MITF: variants seen among roughly 807,000 people sequenced by gnomAD.
MITF encodes the protein microphthalmia-associated transcription factor.
MITF carries 17 observed loss-of-function variants against 60.5 expected under a neutral mutation model. That is an observed-to-expected ratio of 0.28 (90% CI 0.19 to 0.42). The LOEUF is 0.42. MITF is among the 10% of genes least tolerant of loss of function. The pLI is 1.00. For synonymous variants in MITF, 260 were observed against 248.5 expected (o/e 1.05, Z -0.43); for missense variants, 622 against 683.5 (o/e 0.91, Z 1.00).
chr3:69,764,018 T>C (rs2062252075), intron 1 of MITF: 3 of 1,141,026 alleles, frequency 2.6e-6, no homozygotes, highest in Non-Finnish European at 3.5e-6. Flanking sequence ...TGTCAATCTT[T>C]ATATCGTATG....
At chr3:69,751,496 T>C (rs1703932954) in intron 1 of MITF, among the ~76,000 whole-genome samples, 1 of 151,782 alleles carries the variant, frequency 6.6e-6, no homozygotes, top group Non-Finnish European at 1.5e-5. Flanking sequence ...GGATTCCTTA[T>C]TTACCAGGAA....
chr3:69,910,263 C>T lies in MITF; in HGVS notation c.355-27559C>T, dbSNP rs376972190. ...AAGTCAGGAATTGAGGTTTGGGAAC[C>T]TTTGTCCAGATTTCAGAAGATGTAT... On this transcript the variant is annotated intron_variant, in intron 2 of 9. Transcript: ENST00000352241. 3.2e-4 allele frequency among the ~76,000 whole-genome samples: 49 copies of T among 152,334 alleles called. No individual in the cohort carries two copies. In the South Asian group the frequency reaches 9.7e-3, roughly 30 times the overall value.
intron 7 of MITF, among the ~76,000 whole-genome samples, chr3:69,955,804 A>G (rs2066383154): frequency 6.6e-6 from 1 of 151,972 alleles, no homozygotes; most frequent in Non-Finnish European, 1.5e-5. Context: ...ACAGAGCAAG[A>G]CTCCGTCTCA....
intron 1 of MITF, among the ~76,000 whole-genome samples, chr3:69,788,571 A>G (rs1292354601): frequency 6.6e-6 from 1 of 152,190 alleles, no homozygotes; most frequent in Non-Finnish European, 1.5e-5. Flanking sequence ...AACCCTTAAC[A>G]TCTTGGACCT....
chr3:69,807,598 C>T (rs2063030727), intron 1 of MITF, among the ~76,000 whole-genome samples: 1 of 152,212 alleles, frequency 6.6e-6, no homozygotes, highest in Admixed American at 6.5e-5. Flanking sequence ...CAACAACATG[C>T]ATACGAATAT....
Position 69,968,240 on chromosome 3 carries a change from T to C in MITF, c.*2992T>C, listed in dbSNP as rs2066738866. ...GGATGCAGCAATAATTTCTGTATGG[T>C]CCATAGCACTGTATATTATGGATCG... On this transcript the variant is annotated 3_prime_UTR_variant, in exon 10 of 10. Coordinates refer to ENST00000352241, the MANE Select transcript of MITF (RefSeq NM_001354604.2). The C allele has an allele frequency of 4.3e-6, 1 of 232,370 alleles. No homozygotes were observed. Among genetic ancestry groups the C allele is most frequent in the African/African-American group, 2.2e-5 (1 of 45,296 alleles). 14.4% of individuals were successfully genotyped at this position (232,370 alleles called of 1,614,324 possible). A position where few individuals can be genotyped will look rare whatever the true frequency, so the allele number is the denominator to read the frequency against.
chr3:69,927,995 C>T (rs1008142568), intron 2 of MITF, among the ~76,000 whole-genome samples: 6 of 152,146 alleles, frequency 3.9e-5, no homozygotes, highest in Non-Finnish European at 7.4e-5. Flanking sequence ...CTTTTGGGGC[C>T]GTCGGGTCCA....
At chr3:69,789,969 C>T (rs528892234) in intron 1 of MITF, among the ~76,000 whole-genome samples, 1 of 152,272 alleles carries the variant, frequency 6.6e-6, no homozygotes, top group Non-Finnish European at 1.5e-5. Flanking sequence ...GATAATTGCA[C>T]ATCCATGTTC....
At chr3:69,843,255 G>A (rs1351860598) in intron 1 of MITF, among the ~76,000 whole-genome samples, 2 of 4,862 alleles carry the variant, frequency 4.1e-4, no homozygotes, top group Admixed American at 5.9e-3. Context: ...TATGTTGTTT[G>A]AGAAATCATT....
intron 9 of MITF, among the ~76,000 whole-genome samples, chr3:69,960,290 A>T (rs1010375463): frequency 6.6e-6 from 1 of 152,226 alleles, no homozygotes; most frequent in African/African-American, 2.4e-5. Flanking sequence ...TAGTGGAATT[A>T]TAGCATATAT....
intron 1 of MITF, among the ~76,000 whole-genome samples, chr3:69,812,348 C>G (rs1243390562): frequency 1.3e-5 from 2 of 151,506 alleles, no homozygotes; most frequent in Admixed American, 1.3e-4. Context: ...GGTAAAATGG[C>G]ACACCAGTAA....
intron 2 of MITF, among the ~76,000 whole-genome samples, chr3:69,902,870 G>T (rs537264248): frequency 6.7e-6 from 1 of 150,286 alleles, no homozygotes; most frequent in Admixed American, 6.6e-5. Context: ...AAGGTAAAAT[G>T]CAGAAAAAAA....
chr3:69,839,095 T>G (rs2063585180), intron 1 of MITF, among the ~76,000 whole-genome samples: 1 of 152,206 alleles, frequency 6.6e-6, no homozygotes, highest in Non-Finnish European at 1.5e-5. Context: ...GTTTTTCATT[T>G]TTTTCATTTT....
At chr3:69,915,556 G>A (rs1181658158) in intron 2 of MITF, among the ~76,000 whole-genome samples, 1 of 151,808 alleles carries the variant, frequency 6.6e-6, no homozygotes. Flanking sequence ...CCTAATGCCT[G>A]TATTTACAGG....
Position 69,963,232 on chromosome 3 carries a change from A to G in MITF, c.1180-1615A>G, listed in dbSNP as rs566938017. ...ATGTATGTGAGGAAGGAAAGGAAAA[A>G]AATTGTTCATCTTATAGATGAGAAC... On this transcript the variant is annotated intron_variant, in intron 9 of 9. Coordinates refer to ENST00000352241, the MANE Select transcript of MITF (RefSeq NM_001354604.2). Among the ~76,000 whole-genome samples, 4 of 152,338 alleles carry G rather than the reference A, an allele frequency of 2.6e-5. No homozygotes were observed. In the East Asian group the frequency reaches 7.7e-4, roughly 29 times the overall value.
At chr3:69,799,798 C>T (rs997045676) in intron 1 of MITF, among the ~76,000 whole-genome samples, 16 of 151,966 alleles carry the variant, frequency 1.1e-4, no homozygotes, top group African/African-American at 3.4e-4. Context: ...TTTTGTTGTT[C>T]GTGTCACTGA....
At chr3:69,803,808 T>A (rs2062960354) in intron 1 of MITF, among the ~76,000 whole-genome samples, 1 of 151,900 alleles carries the variant, frequency 6.6e-6, no homozygotes. Flanking sequence ...ACTCCATTGA[T>A]CTAATAACTC....
intron 1 of MITF, among the ~76,000 whole-genome samples, chr3:69,803,292 G>A (rs987085413): frequency 6.6e-6 from 1 of 151,948 alleles, no homozygotes; most frequent in African/African-American, 2.4e-5. Flanking sequence ...CGTCTTCTTG[G>A]GTATATACCC....
intron 1 of MITF, among the ~76,000 whole-genome samples, chr3:69,858,523 T>C (rs576239972): frequency 3.9e-5 from 6 of 152,148 alleles, no homozygotes; most frequent in Non-Finnish European, 5.9e-5. Context: ...CCTGTGTGAC[T>C]CCTGGGTATG....
Sources: allele counts gnomAD v4.1 joint callset (sites outside exome capture counted in the v4.1 genomes callset), GRCh38; gene constraint gnomAD v4.1.1; transcripts MANE v1.5; gene names NCBI Gene and HGNC (gene_info 2026-07-23, HGNC 2026-07-21).